DHRS9: variants seen among roughly 807,000 people sequenced by gnomAD.
DHRS9 encodes dehydrogenase/reductase 9, also known as dehydrogenase/reductase SDR family member 9.
A neutral mutation model predicts 26.6 loss-of-function variants in DHRS9; 18 were observed. The observed-to-expected ratio is 0.68, with a 90% CI of 0.47 to 1.00. DHRS9 has a LOEUF of 1.00. Among genes scored for constraint, DHRS9 ranks in the 50% least tolerant of loss-of-function variants. The pLI is 0.00. For synonymous variants in DHRS9, 134 were observed against 141.1 expected, an observed-to-expected ratio of 0.95 and a Z score of 0.36; for missense variants, 425 against 378.7, an observed-to-expected ratio of 1.12 and a Z score of -1.01.
intron 1 of DHRS9, among the ~76,000 whole-genome samples, chr2:169,072,115 A>G (rs1445216306): frequency 6.6e-6 from 1 of 152,150 alleles, no homozygotes; most frequent in Non-Finnish European, 1.5e-5. Context: ...CCGGGTTTAC[A>G]ATATTCAAAT....
At chr2:169,071,009 A>G (rs1339227877) in intron 1 of DHRS9, among the ~76,000 whole-genome samples, 14 of 151,984 alleles carry the variant, frequency 9.2e-5, no homozygotes, top group Admixed American at 9.2e-4. Context: ...GCTTGCAGTG[A>G]GCTGAGATCA....
chr2:169,074,439 C>A (rs1683901002), intron 1 of DHRS9: 1 of 985,428 alleles, frequency 1.0e-6, no homozygotes, highest in Non-Finnish European at 1.2e-6. Context: ...GAAGACACAG[C>A]AGATAAGCAA....
intron 4 of DHRS9, among the ~76,000 whole-genome samples, chr2:169,093,296 T>C (rs1374721408): frequency 6.6e-6 from 1 of 151,794 alleles, no homozygotes; most frequent in Non-Finnish European, 1.5e-5. Context: ...GAGAGGTTTT[T>C]AAAATGACTG....
chr2:169,094,941 A>C (rs1450368516), intron 4 of DHRS9, among the ~76,000 whole-genome samples: 1 of 152,164 alleles, frequency 6.6e-6, no homozygotes, highest in Non-Finnish European at 1.5e-5. Flanking sequence ...TTCCTGAGTC[A>C]GTACATTTGG....
Position 169,081,650 on chromosome 2 carries a change from G to T in DHRS9, c.69G>T (p.Lys23Asn). Residue 23 changes from lysine (K) to asparagine (N), a missense_variant, in exon 2 of 5, where the codon AAG (lysine) becomes AAT (asparagine). Coordinates refer to ENST00000674881, the MANE Select transcript of DHRS9 (RefSeq NM_001376924.1). ...GFLWTRKGKL[K>N]IEDITDKYIF... ...TGTGGACTCGTAAAGGAAAACTAAAGATTGAAGACATCACTGATAAGTACA... is the reference window on the plus strand; with the variant it reads ...TGTGGACTCGTAAAGGAAAACTAAATATTGAAGACATCACTGATAAGTACA... 1 of 1,614,170 alleles carries T rather than the reference G, an allele frequency of 6.2e-7. No individual in the cohort carries two copies. Among genetic ancestry groups the T allele is most frequent in the African/African-American group, 1.3e-5 (1 of 75,046 alleles).
At chr2:169,068,350 C>T (rs894667416), upstream of DHRS9, among the ~76,000 whole-genome samples, 7 of 152,166 alleles carry the variant, frequency 4.6e-5, no homozygotes, top group East Asian at 1.9e-4. Context: ...TGTTTTGAGA[C>T]GGAGTCTCAC....
rs148494340 is a variant in DHRS9, at chr2:169,077,661, C to T, written c.-59-3862C>T. ...ATCCAAATGTAGAAACCCCTGAATT[C>T]TATCCACAGACTCTCTCAAAGTTCT... is the stretch of plus-strand genomic sequence containing the variant. On this transcript the variant is annotated intron_variant, in intron 1 of 4. Coordinates refer to ENST00000674881, the MANE Select transcript of DHRS9 (RefSeq NM_001376924.1). Among the ~76,000 whole-genome samples, 73 of 152,070 alleles carry T rather than the reference C, an allele frequency of 4.8e-4. 1 individual carries two copies. The highest frequency in any genetic ancestry group is 1.6e-3 in the African/African-American group (68 of 41,492).
At chr2:169,072,871 G>A (rs149358963) in intron 1 of DHRS9, among the ~76,000 whole-genome samples, 9 of 152,192 alleles carry the variant, frequency 5.9e-5, no homozygotes, top group African/African-American at 1.9e-4. Context: ...GTCACTCTCT[G>A]GCAAGTGACC....
intron 4 of DHRS9, 32 bp from the exon 5 acceptor site, chr2:169,095,512 C>A (rs543602528): frequency 4.5e-6 from 7 of 1,572,022 alleles, no homozygotes; most frequent in South Asian, 4.4e-5. Flanking sequence ...CCCCTTCTAC[C>A]AAAGAGTAAA....
intron 1 of DHRS9, 60 bp from the exon 2 acceptor site, chr2:169,081,463 C>T (rs1250811673): frequency 6.8e-7 from 1 of 1,480,338 alleles, no homozygotes; most frequent in African/African-American, 1.4e-5. Context: ...TTCATCAGTC[C>T]TGGGTTATAA....
chr2:169,085,115 T>C (rs186002470), intron 3 of DHRS9, among the ~76,000 whole-genome samples: 169 of 152,346 alleles, frequency 1.1e-3, no homozygotes, highest in Non-Finnish European at 2.0e-3. Flanking sequence ...ATACATGTTC[T>C]TGACACCTTT....
upstream of DHRS9, among the ~76,000 whole-genome samples, chr2:169,069,132 A>T (rs1281630006): frequency 6.6e-6 from 1 of 151,872 alleles, no homozygotes; most frequent in Non-Finnish European, 1.5e-5. Flanking sequence ...CGCCCATCTT[A>T]AAAAAAATGG....
intron 3 of DHRS9, among the ~76,000 whole-genome samples, chr2:169,084,005 A>C (rs1684277089): frequency 6.6e-6 from 1 of 151,442 alleles, no homozygotes; most frequent in Non-Finnish European, 1.5e-5. Flanking sequence ...TACCCTCTCA[A>C]GCATCTAGTA....
chr2:169,068,459 G>A (rs1488815684), upstream of DHRS9, among the ~76,000 whole-genome samples: 1 of 152,094 alleles, frequency 6.6e-6, no homozygotes, highest in Non-Finnish European at 1.5e-5. Flanking sequence ...CAAGTTGCTG[G>A]GATTACAGGT....
At chr2:169,078,983 G>A (rs7557520) in intron 1 of DHRS9, among the ~76,000 whole-genome samples, 1 of 151,110 alleles carries the variant, frequency 6.6e-6, no homozygotes, top group African/African-American at 2.4e-5. Context: ...GAGTAGCTGG[G>A]ATTACAGGCA....
At chr2:169,078,836 T>C (rs1302500636) in intron 1 of DHRS9, among the ~76,000 whole-genome samples, 1 of 132,064 alleles carries the variant, frequency 7.6e-6, no homozygotes, top group Non-Finnish European at 1.6e-5. Context: ...TTTTTTTTTT[T>C]TTTTTGTGAC....
chr2:169,091,679 G>A lies in DHRS9; in HGVS notation c.573-111G>A, dbSNP rs1486398804. ...AGAGAATAAGATATTTCTTTCAAAT[G>A]CACCCAAATCTGTGATTCCATGAAA... On this transcript the variant is annotated intron_variant, in intron 3 of 4. Transcript: ENST00000674881. The A allele has an allele frequency of 1.2e-5, 14 of 1,205,532 alleles. No homozygotes were observed. In the East Asian group the frequency reaches 2.2e-4, roughly 19 times the overall value. The allele number at this position is 1,205,532 out of a possible 1,614,324, so 74.7% of individuals were successfully genotyped here.
chr2:169,081,190 C>T (rs552586082), intron 1 of DHRS9: 17 of 997,736 alleles, frequency 1.7e-5, no homozygotes, highest in South Asian at 8.5e-5. Context: ...TCCTGATAGA[C>T]GAGTTCACTC....
rs188084188 is a variant in DHRS9 at position 169,085,252 on chromosome 2, T to C, written c.572+1665T>C. On this transcript the variant is annotated intron_variant, in intron 3 of 4. Coordinates refer to ENST00000674881, the MANE Select transcript of DHRS9 (RefSeq NM_001376924.1). ...GTTTACTATAGCTTTATAGAAAATT[T>C]GAAGTCATGTAATGTGATTCCTCCA... Among the ~76,000 whole-genome samples the C allele has an allele frequency of 4.6e-3, 707 of 152,314 alleles. 4 individuals are homozygous for C. Among genetic ancestry groups the C allele is most frequent in the African/African-American group, 0.016 (680 of 41,580 alleles).
Sources: gnomAD v4.1 joint callset for allele counts (sites outside exome capture counted in the v4.1 genomes callset) on GRCh38, gnomAD v4.1.1 for gene constraint, MANE v1.5 for transcripts, NCBI Gene and HGNC (gene_info 2026-07-23, HGNC 2026-07-21) for gene names.